The following PARD3B variants were observed in gnomAD, a reference collection of about 807,000 sequenced individuals.
PARD3B encodes partitioning defective 3 homolog B.
PARD3B carries 103 observed loss-of-function variants against 130.2 expected under a neutral mutation model. The observed-to-expected ratio is 0.79, with a 90% CI of 0.67 to 0.93. The LOEUF is 0.93. Among genes scored for constraint, PARD3B ranks in the 40% least tolerant of loss-of-function variants. The pLI, the probability that PARD3B is intolerant of heterozygous loss-of-function variation, is 0.00. For missense variants in PARD3B, 1,609 were observed against 1,499.2 expected, an observed-to-expected ratio of 1.07 and a Z score of -1.21; for synonymous variants, 583 against 553.2, an observed-to-expected ratio of 1.05 and a Z score of -0.76.
In PARD3B at chr2:205,098,408, G is replaced by A. The variant is rs560015887; in HGVS notation, c.505-6018G>A. Among the ~76,000 whole-genome samples, 5 of 152,204 alleles carry A rather than the reference G, an allele frequency of 3.3e-5. 1 individual carries two copies. The East Asian group carries it at 9.7e-4, about 29-fold the overall frequency. ...TATGATCACCTGTAAATCAGAGGGA[G>A]ATACTTATTGATAGACAGGACCGCT... On this transcript the variant is annotated intron_variant, in intron 4 of 22. Coordinates refer to ENST00000406610, the MANE Select transcript of PARD3B (RefSeq NM_001302769.2).
At chr2:205,260,233 T>TA (rs2040250352) in intron 16 of PARD3B, among the ~76,000 whole-genome samples, 1 of 152,152 alleles carries the variant, frequency 6.6e-6, no homozygotes, top group Non-Finnish European at 1.5e-5. Context: ...ATCACCAGAA[T>TA]ACCTATGTCA....
chr2:205,036,942 T>C (rs542816690), intron 3 of PARD3B, among the ~76,000 whole-genome samples: 9 of 150,962 alleles, frequency 6.0e-5, no homozygotes, highest in Admixed American at 4.6e-4. Context: ...TATAGTGGAC[T>C]GTATATATAA....
rs143162242 is a variant in PARD3B, at chr2:205,151,410, G to C, written c.1435-7312G>C. On this transcript the variant is annotated intron_variant, in intron 10 of 22. Transcript: ENST00000406610. ...GTGTGGGGGTCTAAGTCTCTTTGTA[G>C]GTCCCTAAGGACTTGCTTTATGAAT... Among the ~76,000 whole-genome samples, 8 of 152,226 alleles carry C rather than the reference G, an allele frequency of 5.3e-5. 1 individual carries two copies. In the East Asian group the frequency reaches 1.5e-3, roughly 29 times the overall value.
intron 1 of PARD3B, among the ~76,000 whole-genome samples, chr2:204,642,318 G>A (rs113166417): frequency 3.9e-5 from 6 of 152,148 alleles, no homozygotes; most frequent in Admixed American, 2.0e-4. Flanking sequence ...CAGAGCAGGC[G>A]ACACTGTGCT....
chr2:205,497,507 T>G (rs1265526400), intron 20 of PARD3B, among the ~76,000 whole-genome samples: 1 of 151,336 alleles, frequency 6.6e-6, no homozygotes, highest in Non-Finnish European at 1.5e-5. Context: ...TTTCTGTTGC[T>G]TTTAGGTACC....
chr2:204,811,782 T>G (rs1559164394), intron 2 of PARD3B, among the ~76,000 whole-genome samples: 1 of 152,122 alleles, frequency 6.6e-6, no homozygotes, highest in Non-Finnish European at 1.5e-5. Context: ...GGGAAATTTT[T>G]CTCCGGCCTC....
At chr2:205,005,310 G>A (rs1240573413) in intron 3 of PARD3B, among the ~76,000 whole-genome samples, 1 of 152,172 alleles carries the variant, frequency 6.6e-6, no homozygotes, top group East Asian at 1.9e-4. Flanking sequence ...GGGAAAGTGA[G>A]GATGAAGAAA....
At chr2:204,626,467 G>A (rs1011567618) in intron 1 of PARD3B, among the ~76,000 whole-genome samples, 1 of 151,722 alleles carries the variant, frequency 6.6e-6, no homozygotes, top group African/African-American at 2.4e-5. Context: ...ATTGCTATTT[G>A]GAGTACCCAT....
intron 9 of PARD3B, 79 bp downstream of exon 9, chr2:205,124,545 G>T: frequency 4.2e-5 from 41 of 966,614 alleles, no homozygotes; most frequent in Non-Finnish European, 5.1e-5. Flanking sequence ...TGAAATATAT[G>T]TAAATATATT....
chr2:205,487,651 T>C (rs1040468423), intron 20 of PARD3B, among the ~76,000 whole-genome samples: 4 of 152,170 alleles, frequency 2.6e-5, no homozygotes, highest in Non-Finnish European at 5.9e-5. Flanking sequence ...AGAACTTCTA[T>C]GTTGTGTCCT....
chr2:205,466,208 G>C (rs1473407813), intron 20 of PARD3B, among the ~76,000 whole-genome samples: 2 of 152,128 alleles, frequency 1.3e-5, no homozygotes, highest in Non-Finnish European at 2.9e-5. Flanking sequence ...GTGCTGAATT[G>C]TTATTGATTT....
At chr2:204,564,203 C>A (rs112156930) in intron 1 of PARD3B, among the ~76,000 whole-genome samples, 5 of 152,292 alleles carry the variant, frequency 3.3e-5, no homozygotes, top group Admixed American at 2.0e-4. Flanking sequence ...ATGTCCCCCA[C>A]GTAGCTCAGT....
At chr2:205,033,509 A>C (rs567905138) in intron 3 of PARD3B, among the ~76,000 whole-genome samples, 2 of 152,118 alleles carry the variant, frequency 1.3e-5, no homozygotes, top group Non-Finnish European at 2.9e-5. Context: ...TAGTTTCCTC[A>C]ATCAGTTGTT....
chr2:205,059,844 G>A (rs747853486), intron 4 of PARD3B, among the ~76,000 whole-genome samples: 1 of 151,998 alleles, frequency 6.6e-6, no homozygotes, highest in Non-Finnish European at 1.5e-5. Context: ...ATACTACCCA[G>A]CACACCTTGG....
chr2:204,727,820 T>G (rs1201549812), intron 2 of PARD3B, among the ~76,000 whole-genome samples: 1 of 152,160 alleles, frequency 6.6e-6, no homozygotes, highest in Non-Finnish European at 1.5e-5. Flanking sequence ...GTGGAGATTT[T>G]GGCCCTCTGA....
Position 205,605,437 on chromosome 2 carries a change from G to C in PARD3B, c.3261-10019G>C, listed in dbSNP as rs75790077. On this transcript the variant is annotated intron_variant, in intron 22 of 22. Coordinates refer to ENST00000406610, the MANE Select transcript of PARD3B (RefSeq NM_001302769.2). ...TGGTAGTGGTGGTGGTGCTATTGTT[G>C]TTGCTTCCTTTTAGTTGTGTGTGTG... is the stretch of plus-strand genomic sequence containing the variant. 2.4e-3 allele frequency among the ~76,000 whole-genome samples: 366 copies of C among 152,218 alleles called. 15 individuals carry two copies. In the East Asian group the frequency reaches 0.059, roughly 25 times the overall value.
chr2:205,251,718 T>G (rs2039858051), intron 16 of PARD3B, among the ~76,000 whole-genome samples: 1 of 152,150 alleles, frequency 6.6e-6, no homozygotes. Flanking sequence ...GATTGCAAAT[T>G]TTCATGAATT....
chr2:205,247,848 C>T (rs752046307), intron 16 of PARD3B, among the ~76,000 whole-genome samples: 7 of 152,150 alleles, frequency 4.6e-5, no homozygotes, highest in Non-Finnish European at 1.0e-4. Flanking sequence ...AAGCACAGAG[C>T]AGCATTAGAG....
chr2:205,198,422 C>T (rs926081935), intron 15 of PARD3B, among the ~76,000 whole-genome samples: 4 of 152,182 alleles, frequency 2.6e-5, no homozygotes, highest in African/African-American at 7.2e-5. Context: ...GAAAAACTCT[C>T]CCTAAAATCA....
Sources: allele counts gnomAD v4.1 joint callset (sites outside exome capture counted in the v4.1 genomes callset), GRCh38; gene constraint gnomAD v4.1.1; transcripts MANE v1.5; gene names NCBI Gene and HGNC (gene_info 2026-07-23, HGNC 2026-07-21).